SP140: variants seen among roughly 807,000 people sequenced by gnomAD.
The protein encoded by SP140 is SP140 nuclear body protein, also known as nuclear body protein SP140.
In SP140, 81 loss-of-function variants were observed where a neutral mutation model predicts 125.0. The observed-to-expected ratio is 0.65, with a 90% confidence interval of 0.54 to 0.78. SP140 has a LOEUF of 0.78. Ranked by LOEUF, SP140 falls within the 30% of genes least tolerant of loss-of-function variation. The probability of loss-of-function intolerance (pLI) is 0.00; values close to 1 mark genes in which losing one functional copy is unlikely to be tolerated. For synonymous variants in SP140, 312 were observed against 354.0 expected (o/e 0.88, Z 1.33); for missense variants, 858 against 1,037.0 (o/e 0.83, Z 2.37).
chr2:230,304,055 G>A (rs963492816), intron 22 of SP140, among the ~76,000 whole-genome samples: 3 of 152,132 alleles, frequency 2.0e-5, no homozygotes, highest in African/African-American at 7.2e-5. Context: ...ATTCAGTAAA[G>A]CTTCAGGATA....
chr2:230,204,262 A>G (rs1178373812), intron 1 of SP140, among the ~76,000 whole-genome samples: 1 of 152,164 alleles, frequency 6.6e-6, no homozygotes, highest in East Asian at 1.9e-4. Flanking sequence ...CTCTCTAACA[A>G]AGTCACTTCT....
the SP140 span, among the ~76,000 whole-genome samples, chr2:230,191,215 A>G: frequency 2.0e-5 from 3 of 152,188 alleles, no homozygotes; most frequent in Non-Finnish European, 4.4e-5. Flanking sequence ...ACACCCTAAC[A>G]TCACAATTAA....
chr2:230,227,462 G>T (rs2046621258), intron 1 of SP140, among the ~76,000 whole-genome samples: 1 of 152,214 alleles, frequency 6.6e-6, no homozygotes, highest in African/African-American at 2.4e-5. Flanking sequence ...GTTAGGAAGT[G>T]TTGCCTCTGC....
intron 1 of SP140, among the ~76,000 whole-genome samples, chr2:230,233,381 C>T (rs1010555597): frequency 4.0e-5 from 6 of 151,720 alleles, no homozygotes; most frequent in African/African-American, 7.3e-5. Flanking sequence ...AGCGAGATTC[C>T]GTCTCAAAAC....
intron 11 of SP140, among the ~76,000 whole-genome samples, chr2:230,254,148 G>GTTA (rs1205595614): frequency 6.6e-6 from 1 of 152,198 alleles, no homozygotes. Context: ...TGACAACAAT[G>GTTA]TTGGAAGGAA....
the SP140 span, among the ~76,000 whole-genome samples, chr2:230,189,769 C>T: frequency 6.6e-6 from 1 of 152,156 alleles, no homozygotes; most frequent in South Asian, 2.1e-4. Flanking sequence ...GATCAACTCC[C>T]ACTTATGAGT....
upstream of SP140, among the ~76,000 whole-genome samples, chr2:230,198,164 T>C (rs887318168): frequency 7.1e-6 from 1 of 140,318 alleles, no homozygotes; most frequent in Non-Finnish European, 1.5e-5. Context: ...CTGTCCTCTA[T>C]GTGGTAGGTC....
chr2:230,208,911 T>C (rs2044167264), intron 1 of SP140, among the ~76,000 whole-genome samples: 1 of 152,168 alleles, frequency 6.6e-6, no homozygotes, highest in South Asian at 2.1e-4. Flanking sequence ...AATCTTGGAC[T>C]GTGAGTTAGT....
upstream of SP140, chr2:230,225,681 G>A (rs2046224728): frequency 5.8e-6 from 4 of 687,916 alleles, no homozygotes; most frequent in Admixed American, 6.2e-5. Flanking sequence ...ATTGGGTGGA[G>A]GGAGGACTGT....
intron 21 of SP140, 29 bp downstream of exon 21, chr2:230,294,347 C>A: frequency 6.5e-7 from 1 of 1,540,454 alleles, no homozygotes; most frequent in Non-Finnish European, 9.0e-7. Flanking sequence ...TATACAGCTT[C>A]TTGTCACATA....
chr2:230,272,093 G>A (rs1276210731), intron 15 of SP140, among the ~76,000 whole-genome samples: 1 of 152,170 alleles, frequency 6.6e-6, no homozygotes, highest in Non-Finnish European at 1.5e-5. Flanking sequence ...AACATTCCAT[G>A]TTCATGGATA....
intron 12 of SP140, among the ~76,000 whole-genome samples, chr2:230,266,264 TTTG>T (rs1225943897): frequency 1.3e-5 from 2 of 152,228 alleles, no homozygotes; most frequent in East Asian, 3.8e-4. Flanking sequence ...TTTGTTTCAT[TTTG>T]TTTGTTTTAC....
At chr2:230,307,283 A>G (rs2058849719) in intron 22 of SP140, among the ~76,000 whole-genome samples, 1 of 152,220 alleles carries the variant, frequency 6.6e-6, no homozygotes, top group African/African-American at 2.4e-5. Flanking sequence ...TCCATTTGTC[A>G]GCGTCCCTCA....
Position 230,212,930 on chromosome 2 carries a change from C to T in SP140, c.-322-724C>T, listed in dbSNP as rs570329901. 2.5e-5 allele frequency: 41 copies of T among 1,613,934 alleles called. No homozygotes were observed. In the East Asian group the frequency reaches 4.2e-4, roughly 17 times the overall value. Reference sequence around the variant, plus strand: ...GTTGAGGGGGTTGTGGTGGGGGCAGCGCCAGTGGGGTATGGAGGGAGCTTC... The same window carrying T: ...GTTGAGGGGGTTGTGGTGGGGGCAGTGCCAGTGGGGTATGGAGGGAGCTTC... On this transcript the variant is annotated intron_variant, in intron 1 of 4. Coordinates refer to the SP140 transcript ENST00000456542.
intron 12 of SP140, among the ~76,000 whole-genome samples, chr2:230,264,452 C>A (rs991564492): frequency 6.6e-6 from 1 of 152,128 alleles, no homozygotes; most frequent in Admixed American, 6.6e-5. Flanking sequence ...TAATAACTAC[C>A]CTCCTGAATT....
intron 12 of SP140, among the ~76,000 whole-genome samples, chr2:230,257,785 T>A (rs1168674378): frequency 6.6e-6 from 1 of 151,730 alleles, no homozygotes; most frequent in African/African-American, 2.4e-5. Context: ...AAAGAAAAAA[T>A]AAGGGGCCAC....
intron 7 of SP140, among the ~76,000 whole-genome samples, chr2:230,247,491 A>G (rs2049641083): frequency 6.6e-6 from 1 of 151,776 alleles, no homozygotes; most frequent in Non-Finnish European, 1.5e-5. Context: ...CAACACAAAA[A>G]CTCTGGTAAG....
At chr2:230,215,204 A>C (rs1285500860) in intron 3 of SP140, 6 of 1,065,662 alleles carry the variant, frequency 5.6e-6, no homozygotes, top group Non-Finnish European at 8.6e-6. Context: ...GTTTTAAGAA[A>C]GCTACCTTAC....
chr2:230,290,446 A>T lies in SP140; in HGVS notation c.1721-14A>T, dbSNP rs558183053. 6.2e-7 allele frequency: 1 copy of T among 1,612,422 alleles called. No individual in the cohort carries two copies. Among genetic ancestry groups the T allele is most frequent in the Admixed American group, 1.7e-5 (1 of 59,948 alleles). ...TTGCAAAGTGAGACAGAATGAAGAA[A>T]TCCTCTCTTTCAGCTTCAAGAAAGC... On this transcript the variant is annotated splice_polypyrimidine_tract_variant and intron_variant, in intron 18 of 26. Transcript: ENST00000392045.
Sources: allele counts gnomAD v4.1 joint callset (sites outside exome capture counted in the v4.1 genomes callset), GRCh38; gene constraint gnomAD v4.1.1; transcripts MANE v1.5; gene names NCBI Gene and HGNC (gene_info 2026-07-23, HGNC 2026-07-21).